Variants in TEX11 observed in about 807,000 individuals in gnomAD.
TEX11 encodes testis-expressed protein 11.
Under a neutral mutation model 84.4 loss-of-function variants are expected in TEX11, and 7 were observed. The ratio of observed to expected loss-of-function variants is 0.08; its 90% CI spans 0.05 to 0.16. The LOEUF is 0.16. Ranked by LOEUF, TEX11 falls within the 10% of genes least tolerant of loss-of-function variation. The pLI, the probability that TEX11 is intolerant of heterozygous loss-of-function variation, is 1.00. For missense variants in TEX11, 551 were observed against 660.5 expected (o/e 0.83, Z 1.82); for synonymous variants, 264 against 222.8 (o/e 1.18, Z -1.64).
intron 13 of TEX11, among the ~76,000 whole-genome samples, chrX:70,713,185 C>A (rs1390769479): frequency 9.0e-6 from 1 of 111,531 alleles, no homozygotes; most frequent in Non-Finnish European, 1.9e-5. Flanking sequence ...CTGCTGGATT[C>A]GGTTTGCCAG....
intron 8 of TEX11, among the ~76,000 whole-genome samples, chrX:70,829,111 T>G (rs1159564404): frequency 8.9e-6 from 1 of 111,861 alleles, no homozygotes; most frequent in Non-Finnish European, 1.9e-5. Flanking sequence ...AAGGGAGTTG[T>G]TCAATCTGAA....
chrX:70,532,096 C>A (rs759467131), intron 28 of TEX11, among the ~76,000 whole-genome samples: 2 of 111,853 alleles, frequency 1.8e-5, no homozygotes, highest in Admixed American at 1.9e-4. Flanking sequence ...GTTCTTTAGT[C>A]AAATACATTT....
chrX:70,762,653 C>A (rs2090916052), intron 9 of TEX11, among the ~76,000 whole-genome samples: 1 of 111,134 alleles, frequency 9.0e-6, no homozygotes, highest in Non-Finnish European at 1.9e-5. Context: ...TTCCCCACCC[C>A]CGATCCCCCA....
chrX:70,738,725 T>G, intron 11 of TEX11, among the ~76,000 whole-genome samples: 1 of 111,783 alleles, frequency 8.9e-6, no homozygotes, highest in Admixed American at 9.5e-5. Flanking sequence ...ATAGACTGGA[T>G]AAAGAAAATG....
chrX:70,873,801 C>G, intron 3 of TEX11, among the ~76,000 whole-genome samples: 1 of 111,983 alleles, frequency 8.9e-6, no homozygotes, highest in East Asian at 2.8e-4. Flanking sequence ...AGTTTTAAGT[C>G]TTTTCTTCCA....
At chrX:70,645,367 G>A (rs753347866) in intron 17 of TEX11, among the ~76,000 whole-genome samples, 4 of 110,664 alleles carry the variant, frequency 3.6e-5, no homozygotes, top group East Asian at 2.8e-4. Context: ...AGTTAGGAGC[G>A]TTTCCTCTAA....
chrX:70,523,376 G>C, the TEX11 span, among the ~76,000 whole-genome samples: 2 of 111,629 alleles, frequency 1.8e-5, no homozygotes, highest in African/African-American at 6.5e-5. Flanking sequence ...AGGATGTTGA[G>C]AGAACCTGTA....
intron 2 of TEX11, among the ~76,000 whole-genome samples, chrX:70,888,731 A>C (rs1313162561): frequency 8.9e-6 from 1 of 111,838 alleles, no homozygotes; most frequent in Non-Finnish European, 1.9e-5. Flanking sequence ...CAAAAAGGTT[A>C]TAGAACACCA....
At chrX:70,776,713 C>T (rs975470968) in intron 9 of TEX11, among the ~76,000 whole-genome samples, 3 of 110,973 alleles carry the variant, frequency 2.7e-5, no homozygotes, top group African/African-American at 9.8e-5. Context: ...ATGTGGATCT[C>T]ATGGAGGTAG....
chrX:70,672,161 T>C (rs2090031154), intron 15 of TEX11, among the ~76,000 whole-genome samples: 1 of 110,429 alleles, frequency 9.1e-6, no homozygotes, highest in South Asian at 3.9e-4. Flanking sequence ...AGTTTCTAGA[T>C]TTATCCCCAT....
intron 9 of TEX11, among the ~76,000 whole-genome samples, chrX:70,779,598 A>G (rs2091024733): frequency 9.0e-6 from 1 of 110,706 alleles, no homozygotes. Flanking sequence ...AATACAATAG[A>G]TCAACGAAAC....
intron 2 of TEX11, among the ~76,000 whole-genome samples, chrX:70,887,063 C>T (rs1168627152): frequency 1.8e-5 from 2 of 111,942 alleles, no homozygotes; most frequent in African/African-American, 6.5e-5. Flanking sequence ...CCCTGGTTAT[C>T]ATTGATGGTT....
At chrX:70,719,186 C>T (rs2090534382) in intron 13 of TEX11, among the ~76,000 whole-genome samples, 2 of 111,858 alleles carry the variant, frequency 1.8e-5, no homozygotes, top group South Asian at 3.7e-4. Context: ...ATTATATACA[C>T]GTTTCATTTT....
intron 13 of TEX11, among the ~76,000 whole-genome samples, chrX:70,704,803 G>A (rs1462260260): frequency 9.0e-6 from 1 of 110,686 alleles, no homozygotes; most frequent in Non-Finnish European, 1.9e-5. Flanking sequence ...TAATTTGTAT[G>A]ACTTATGGCT....
intron 28 of TEX11, among the ~76,000 whole-genome samples, chrX:70,537,392 CT>C (rs1017024043): frequency 3.6e-5 from 4 of 110,127 alleles, no homozygotes; most frequent in African/African-American, 1.3e-4. Flanking sequence ...CTGTAACTTT[CT>C]TTAGTGCTTC....
chrX:70,901,606 G>C (rs773503814), intron 2 of TEX11, among the ~76,000 whole-genome samples: 1 of 111,878 alleles, frequency 8.9e-6, no homozygotes, highest in African/African-American at 3.2e-5. Flanking sequence ...GGCAGTTCAG[G>C]CTCCTGTGAG....
intron 24 of TEX11, among the ~76,000 whole-genome samples, chrX:70,598,719 A>C (rs1410353342): frequency 8.9e-6 from 1 of 112,316 alleles, no homozygotes; most frequent in Non-Finnish European, 1.9e-5. Context: ...ATGCTACAAC[A>C]CAAAGAACCT....
chrX:70,577,161 A>G (rs1424279655), intron 25 of TEX11, among the ~76,000 whole-genome samples: 1 of 111,669 alleles, frequency 9.0e-6, no homozygotes, highest in Non-Finnish European at 1.9e-5. Context: ...TAGAAGGTCT[A>G]AAGAGACCTC....
chrX:70,866,160 A>T (rs913547713), intron 4 of TEX11, among the ~76,000 whole-genome samples: 27 of 111,788 alleles, frequency 2.4e-4, no homozygotes, highest in African/African-American at 8.8e-4. Context: ...TTAATAAAGT[A>T]GAAAAGAGAG....
Sources: allele counts gnomAD v4.1 joint callset (sites outside exome capture counted in the v4.1 genomes callset), GRCh38; gene constraint gnomAD v4.1.1; transcripts MANE v1.5; gene names NCBI Gene and HGNC (gene_info 2026-07-23, HGNC 2026-07-21).